Variants in KCTD3 observed in about 807,000 individuals in gnomAD.
The protein encoded by KCTD3 is BTB/POZ domain-containing protein KCTD3.
A neutral mutation model predicts 85.8 loss-of-function variants in KCTD3; 41 were observed. The ratio of observed to expected loss-of-function variants is 0.48; its 90% CI spans 0.37 to 0.62. KCTD3 has a LOEUF of 0.62. Ranked by LOEUF, KCTD3 falls within the 20% of genes least tolerant of loss-of-function variation. KCTD3 has a pLI of 0.00. For missense variants in KCTD3, 724 were observed against 989.9 expected (o/e 0.73, Z 3.60); for synonymous variants, 338 against 345.4 (o/e 0.98, Z 0.24).
Position 215,619,254 on chromosome 1 carries a change from G to A in KCTD3, c.1849G>A (p.Val617Ile), listed in dbSNP as rs200014391. ...ATPNISPATS[V>I]VQHSHLRESN... is the part of the protein sequence containing the mutation. ...TCCTAACATCAGTCCAGCAACTTCC[G>A]TAGTTCAGCATAGCCACTTACGAGA... Residue 617 changes from valine (V) to isoleucine (I), a missense_variant, in exon 17 of 18, where the codon GTA becomes ATA. Coordinates refer to ENST00000259154, the MANE Select transcript of KCTD3 (RefSeq NM_016121.5). 74 of 1,613,852 alleles carry A rather than the reference G, an allele frequency of 4.6e-5. No homozygotes were observed. Among genetic ancestry groups the A allele is most frequent in the African/African-American group, 9.3e-5 (7 of 75,046 alleles).
chr1:215,594,251 A>G (rs953486624), intron 9 of KCTD3, among the ~76,000 whole-genome samples: 10 of 152,214 alleles, frequency 6.6e-5, no homozygotes, highest in African/African-American at 2.4e-4. Flanking sequence ...AGTGGCAAAC[A>G]AAGGTACTCT....
At position 215,574,083 on chromosome 1, in the gene KCTD3, G is replaced by A. The variant is rs760305977; in HGVS notation, c.148G>A (p.Gly50Arg). ...PDSFFSSLLS[G>R]RISTLRDETG... ...ATTAATGACTTCCAGTTTGCTGAGT[G>A]GGAGAATTTCAACACTTCGAGATGA... The change falls in exon 3 of 18, where the codon GGG becomes AGG. Residue 50 changes from glycine to arginine, a missense_variant. Gly to Arg is a moderately radical substitution (Grantham distance 125). This residue lies in a region of KCTD3 where 97 missense variants were observed against 115.7 expected (regional missense o/e 0.84). Transcript: ENST00000259154. The A allele has an allele frequency of 6.9e-6, 11 of 1,588,584 alleles. No homozygotes were observed. The highest frequency in any genetic ancestry group is 8.6e-7 in the Non-Finnish European group (1 of 1,162,730).
At chr1:215,580,882 G>T in intron 8 of KCTD3, 1 of 392,680 alleles carries the variant, frequency 2.5e-6, no homozygotes. Context: ...TGAAAGGTTT[G>T]GCATGTCTGG....
chr1:215,607,285 T>G (rs948072537), intron 13 of KCTD3, among the ~76,000 whole-genome samples: 10 of 151,902 alleles, frequency 6.6e-5, no homozygotes, highest in Admixed American at 2.6e-4. Flanking sequence ...AATCAGTATA[T>G]TTTTTATTAA....
At chr1:215,590,514 G>A (rs1245867056) in intron 9 of KCTD3, among the ~76,000 whole-genome samples, 1 of 152,066 alleles carries the variant, frequency 6.6e-6, no homozygotes, top group East Asian at 1.9e-4. Flanking sequence ...ACCTGGGGTT[G>A]TGGGAGCCCT....
chr1:215,611,890 C>T lies in KCTD3; in HGVS notation c.1531C>T (p.Leu511=), dbSNP rs571065616. The change falls in exon 15 of 18, where the codon CTA becomes TTA. Residue 511 remains leucine, a synonymous_variant. Transcript: ENST00000259154. ...GAAAGTTGTTCCCATCACCAACAAACTATTTGTAAGACTCTCATCGACTGG... is the reference window on the plus strand; with the variant it reads ...GAAAGTTGTTCCCATCACCAACAAATTATTTGTAAGACTCTCATCGACTGG... ...IQKVVPITNK[L]FVRLSSTGKR... The T allele has an allele frequency of 1.1e-5, 18 of 1,607,868 alleles. No homozygotes were observed. The African/African-American group carries it at 1.3e-4, about 12-fold the overall frequency.
chr1:215,577,634 A>C (rs758303436), intron 4 of KCTD3, 36 bp from the exon 5 acceptor site: 2 of 1,340,124 alleles, frequency 1.5e-6, no homozygotes, highest in Non-Finnish European at 2.1e-6. Context: ...ACAGGTTTCC[A>C]GTGTTAGAGA....
chr1:215,572,665 A>G (rs546805126), intron 1 of KCTD3, among the ~76,000 whole-genome samples: 1 of 152,344 alleles, frequency 6.6e-6, no homozygotes, highest in Non-Finnish European at 1.5e-5. Flanking sequence ...TAATTTAGGT[A>G]ATGGCAGACA....
At chr1:215,609,387 G>C (rs927158451) in intron 14 of KCTD3, among the ~76,000 whole-genome samples, 2 of 151,982 alleles carry the variant, frequency 1.3e-5, no homozygotes, top group South Asian at 2.1e-4. Context: ...TTGGATTATA[G>C]GATATGTGGG....
In KCTD3 at chr1:215,571,814, G is replaced by A. The variant is rs1479141434; in HGVS notation, c.84-1972G>A. 2.0e-5 allele frequency among the ~76,000 whole-genome samples: 3 copies of A among 152,090 alleles called. No individual in the cohort carries two copies. The East Asian group carries it at 5.8e-4, about 29-fold the overall frequency. ...GCCTGGCTAATTTTTCGTAGTTTTA[G>A]TAGAGACGGGGTTTCACCGTGTTAG... On this transcript the variant is annotated intron_variant, in intron 1 of 17. Transcript: ENST00000259154.
intron 1 of KCTD3, among the ~76,000 whole-genome samples, chr1:215,570,182 A>T (rs1659308008): frequency 6.6e-6 from 1 of 152,162 alleles, no homozygotes; most frequent in South Asian, 2.1e-4. Flanking sequence ...AGTAAAACTC[A>T]AAAGGAGAGT....
chr1:215,594,794 C>G (rs2102581837), intron 9 of KCTD3, among the ~76,000 whole-genome samples: 1 of 152,234 alleles, frequency 6.6e-6, no homozygotes, highest in African/African-American at 2.4e-5. Flanking sequence ...AAAATAAGCT[C>G]TGAGTAAAAG....
intron 14 of KCTD3, among the ~76,000 whole-genome samples, chr1:215,611,008 T>C (rs1218865884): frequency 6.6e-6 from 1 of 152,010 alleles, no homozygotes; most frequent in African/African-American, 2.4e-5. Context: ...TACAATACTT[T>C]TTATGAATTG....
chr1:215,591,320 TTCC>T (rs1426842897), intron 9 of KCTD3, among the ~76,000 whole-genome samples: 3 of 148,770 alleles, frequency 2.0e-5, no homozygotes, highest in Non-Finnish European at 3.0e-5. Flanking sequence ...CCTTCCTTCC[TTCC>T]TTCCTTCCTT....
At chr1:215,569,623 T>C (rs1472327657) in intron 1 of KCTD3, among the ~76,000 whole-genome samples, 1 of 140,694 alleles carries the variant, frequency 7.1e-6, no homozygotes, top group Non-Finnish European at 1.5e-5. Flanking sequence ...TGAGACAGAG[T>C]CTCGCTCTGT....
intron 13 of KCTD3, among the ~76,000 whole-genome samples, chr1:215,604,796 A>G (rs945137235): frequency 1.3e-5 from 2 of 151,792 alleles, no homozygotes; most frequent in Admixed American, 6.6e-5. Flanking sequence ...GTTTAATGCT[A>G]AAACTGTAGA....
chr1:215,577,327 A>C (rs1014264842), intron 4 of KCTD3, among the ~76,000 whole-genome samples: 2 of 152,144 alleles, frequency 1.3e-5, no homozygotes, highest in Non-Finnish European at 2.9e-5. Context: ...GTTAAAAGCA[A>C]CTAATGCCAT....
chr1:215,619,926 T>G, intron 17 of KCTD3, 131 bp from the exon 18 acceptor site: 1 of 581,980 alleles, frequency 1.7e-6, no homozygotes, highest in Non-Finnish European at 2.7e-6. Context: ...AGTATATTTT[T>G]ACAAAGAGAA....
chr1:215,614,233 G>C (rs956720789), intron 15 of KCTD3, among the ~76,000 whole-genome samples: 1 of 151,710 alleles, frequency 6.6e-6, no homozygotes, highest in African/African-American at 2.4e-5. Flanking sequence ...GGGTTTCACT[G>C]TGTTAGCCAG....
Sources: allele counts gnomAD v4.1 joint callset (sites outside exome capture counted in the v4.1 genomes callset), GRCh38; gene constraint gnomAD v4.1.1; regional missense constraint gnomAD v4.1.1; transcripts MANE v1.5; gene names NCBI Gene and HGNC (gene_info 2026-07-23, HGNC 2026-07-21).